STK10: variants seen among roughly 807,000 people sequenced by gnomAD.
The protein encoded by STK10 is serine/threonine kinase 10, also known as serine/threonine-protein kinase 10.
STK10 carries 78 observed loss-of-function variants against 113.8 expected under a neutral mutation model. That is an observed-to-expected ratio of 0.69 (90% CI 0.57 to 0.83). The LOEUF is 0.83. Ranked by LOEUF, STK10 falls within the 40% of genes least tolerant of loss-of-function variation. STK10 has a pLI of 0.00. For synonymous variants in STK10, 465 were observed against 494.7 expected (o/e 0.94, Z 0.80); for missense variants, 1,109 against 1,280.1 (o/e 0.87, Z 2.04).
intron 2 of STK10, among the ~76,000 whole-genome samples, chr5:172,137,531 C>T (rs1353403901): frequency 6.6e-6 from 1 of 151,832 alleles, no homozygotes; most frequent in African/African-American, 2.4e-5. Flanking sequence ...GAGAAATACT[C>T]AACAAACAAA....
At chr5:172,046,166 C>A (rs1044690039) in intron 18 of STK10, among the ~76,000 whole-genome samples, 5 of 151,660 alleles carry the variant, frequency 3.3e-5, no homozygotes, top group Admixed American at 1.3e-4. Context: ...TCAAGACCAG[C>A]CTGGCCAACA....
intron 8 of STK10, 147 bp downstream of exon 8, chr5:172,096,279 C>G: frequency 1.5e-6 from 2 of 1,299,546 alleles, no homozygotes; most frequent in Non-Finnish European, 2.1e-6. Flanking sequence ...TCTTACGTTA[C>G]CTGCAGCGTG....
At chr5:172,118,010 CAAAAAA>C (rs57672334) in intron 3 of STK10, among the ~76,000 whole-genome samples, 2 of 69,826 alleles carry the variant, frequency 2.9e-5, no homozygotes, top group Non-Finnish European at 5.9e-5. Context: ...TACTCCATCT[CAAAAAA>C]AAAAAAAAAA....
chr5:172,106,435 A>AAAAAAAC, intron 6 of STK10, among the ~76,000 whole-genome samples, 185 bp downstream of exon 6: 1 of 145,512 alleles, frequency 6.9e-6, no homozygotes, highest in South Asian at 2.1e-4. Flanking sequence ...CAAAGGGAAA[A>AAAAAAAC]AGAGGCACGA....
intron 2 of STK10, among the ~76,000 whole-genome samples, chr5:172,138,582 A>T (rs1181314160): frequency 6.6e-6 from 1 of 152,208 alleles, no homozygotes; most frequent in African/African-American, 2.4e-5. Flanking sequence ...ATAAACAAAA[A>T]ATTCAATTTA....
intron 3 of STK10, among the ~76,000 whole-genome samples, chr5:172,126,725 C>G (rs970912298): frequency 6.6e-6 from 1 of 152,216 alleles, no homozygotes; most frequent in Non-Finnish European, 1.5e-5. Context: ...CATTATTGCT[C>G]AAGCTTGCCC....
intron 2 of STK10, among the ~76,000 whole-genome samples, chr5:172,150,985 G>A (rs193097660): frequency 7.2e-5 from 11 of 152,290 alleles, no homozygotes; most frequent in East Asian, 3.9e-4. Flanking sequence ...GGGCAGGCAC[G>A]TCCTGTCTCC....
rs1767409139 is a variant in STK10 at position 172,042,975 on chromosome 5, G to A, written c.*1907C>T. On this transcript the variant is annotated 3_prime_UTR_variant, in exon 19 of 19. Transcript: ENST00000176763. Reference sequence around the variant, plus strand: ...GAGTATACAGAACCTTAACCTAGCTGGGTGCAGTAGCATGTATCTGTCGTC... The same window carrying A: ...GAGTATACAGAACCTTAACCTAGCTAGGTGCAGTAGCATGTATCTGTCGTC... The A allele has an allele frequency of 6.6e-6, 1 of 152,202 alleles. No homozygotes were observed. The highest frequency in any genetic ancestry group is 6.5e-5 in the Admixed American group (1 of 15,280). The allele number at this position is 152,202 out of a possible 1,614,324, so 9.4% of individuals were successfully genotyped here.
At chr5:172,047,178 G>A (rs1293064510) in intron 18 of STK10, among the ~76,000 whole-genome samples, 1 of 152,188 alleles carries the variant, frequency 6.6e-6, no homozygotes, top group Non-Finnish European at 1.5e-5. Flanking sequence ...CCGGGTCATT[G>A]TTCCAGCAGA....
At chr5:172,157,099 A>T (rs1289406972) in intron 1 of STK10, among the ~76,000 whole-genome samples, 1 of 152,230 alleles carries the variant, frequency 6.6e-6, no homozygotes, top group Non-Finnish European at 1.5e-5. Context: ...TGAACAATAA[A>T]AATGGCACAA....
intron 2 of STK10, among the ~76,000 whole-genome samples, chr5:172,139,541 T>C (rs1281729739): frequency 6.6e-6 from 1 of 150,722 alleles, no homozygotes; most frequent in African/African-American, 2.4e-5. Context: ...AAATAAAACC[T>C]TGACATATAT....
intron 2 of STK10, among the ~76,000 whole-genome samples, chr5:172,152,276 TGG>T (rs1473776816): frequency 7.9e-5 from 12 of 152,206 alleles, no homozygotes. Context: ...ACTGATCAGG[TGG>T]ACATATGTGC....
intron 10 of STK10, among the ~76,000 whole-genome samples, chr5:172,088,221 C>T (rs972202902): frequency 3.3e-5 from 5 of 152,050 alleles, no homozygotes; most frequent in African/African-American, 7.2e-5. Context: ...CATGGTTAAA[C>T]GTTTAAAAAA....
intron 4 of STK10, among the ~76,000 whole-genome samples, chr5:172,116,280 C>T (rs1040062721): frequency 6.6e-6 from 1 of 151,878 alleles, no homozygotes; most frequent in African/African-American, 2.4e-5. Flanking sequence ...TGGGGTTTCG[C>T]CATGTTGGCC....
At chr5:172,123,851 A>G (rs1561816891) in intron 3 of STK10, among the ~76,000 whole-genome samples, 1 of 152,288 alleles carries the variant, frequency 6.6e-6, no homozygotes, top group Admixed American at 6.5e-5. Context: ...GCAGAAAACC[A>G]GCATGAGAAT....
intron 8 of STK10, among the ~76,000 whole-genome samples, chr5:172,094,564 A>T (rs1273227846): frequency 6.6e-6 from 1 of 151,694 alleles, no homozygotes; most frequent in Non-Finnish European, 1.5e-5. Flanking sequence ...TGCATTTTTT[A>T]GTAGGGACAG....
At chr5:172,181,768 G>A (rs991977888) in intron 1 of STK10, among the ~76,000 whole-genome samples, 2 of 151,790 alleles carry the variant, frequency 1.3e-5, no homozygotes, top group Admixed American at 6.6e-5. Flanking sequence ...CCAAGATCGC[G>A]CTAATGCAAT....
At chr5:172,163,739 A>T (rs1770512806) in intron 1 of STK10, among the ~76,000 whole-genome samples, 1 of 152,162 alleles carries the variant, frequency 6.6e-6, no homozygotes, top group African/African-American at 2.4e-5. Context: ...GCCTAGGAAA[A>T]TTTGCATGAG....
chr5:172,109,457 A>G lies in STK10; in HGVS notation c.521-1605T>C, dbSNP rs140927173. 6.3e-3 allele frequency among the ~76,000 whole-genome samples: 951 copies of G among 151,788 alleles called. 4 individuals carry two copies. The highest frequency in any genetic ancestry group is 0.013 in the Admixed American group (197 of 15,204). ...CCCGAGTAGCTGAGACTACAGGTGT[A>G]TGCCACCACACCCGGCTAATTTTTG... On this transcript the variant is annotated intron_variant, in intron 4 of 18. Coordinates refer to ENST00000176763, the MANE Select transcript of STK10 (RefSeq NM_005990.4).
Sources: allele counts gnomAD v4.1 joint callset (sites outside exome capture counted in the v4.1 genomes callset), GRCh38; gene constraint gnomAD v4.1.1; transcripts MANE v1.5; gene names NCBI Gene and HGNC (gene_info 2026-07-23, HGNC 2026-07-21).